CEP170: variants seen among roughly 807,000 people sequenced by gnomAD.
CEP170 encodes centrosomal protein 170, also known as centrosomal protein of 170 kDa.
A neutral mutation model predicts 151.9 loss-of-function variants in CEP170; 21 were observed. That is an observed-to-expected ratio of 0.14 (90% CI 0.10 to 0.20). CEP170 has a LOEUF of 0.20. Ranked by LOEUF, CEP170 falls within the 10% of genes least tolerant of loss-of-function variation. CEP170 has a pLI of 1.00. For missense variants in CEP170, 964 were observed against 1,892.9 expected (o/e 0.51, Z 9.11); for synonymous variants, 356 against 648.8 (o/e 0.55, Z 6.86).
At chr1:243,203,153 C>T (rs1197645500) in intron 4 of CEP170, among the ~76,000 whole-genome samples, 3 of 152,134 alleles carry the variant, frequency 2.0e-5, no homozygotes, top group Non-Finnish European at 2.9e-5. Flanking sequence ...CCAGCTTTTC[C>T]CTCCAAGGCT....
chr1:243,136,371 T>C (rs1024099136), intron 16 of CEP170, 140 bp from the exon 17 acceptor site: 3 of 1,019,844 alleles, frequency 2.9e-6, no homozygotes, highest in Admixed American at 6.1e-5. Flanking sequence ...GTGAAGAATA[T>C]AATTAATATG....
Position 243,233,741 on chromosome 1 carries a change from A to AAT in CEP170, c.-41-8422_-41-8421dup, listed in dbSNP as rs1303987181. Among the ~76,000 whole-genome samples the AAT allele has an allele frequency of 4.4e-3, 620 of 140,392 alleles. 9 individuals carry two copies. The highest frequency in any genetic ancestry group is 0.016 in the African/African-American group (593 of 37,766). The allele number at this position is 140,392 out of a possible 152,430, so 92.1% of individuals were successfully genotyped here. ...GAGCAAGACTCCATCTCAAAAAAAA[A>AAT]ATATATATATATATATATATATATA... is the stretch of plus-strand genomic sequence containing the variant. On this transcript the variant is annotated intron_variant, in intron 1 of 19. Transcript: ENST00000366542.
chr1:243,130,394 G>A (rs1187101257), intron 17 of CEP170, among the ~76,000 whole-genome samples: 1 of 152,018 alleles, frequency 6.6e-6, no homozygotes, highest in Non-Finnish European at 1.5e-5. Flanking sequence ...CTACCCTTTT[G>A]ATAAAAACAA....
chr1:243,255,352 G>C (rs1362712558), upstream of CEP170: 4 of 152,988 alleles, frequency 2.6e-5, no homozygotes, highest in African/African-American at 7.2e-5. Context: ...GCCACACACA[G>C]ACAATGAAAA....
chr1:243,221,684 C>T (rs1339598734), intron 3 of CEP170, 40 bp downstream of exon 3: 4 of 1,535,512 alleles, frequency 2.6e-6, no homozygotes, highest in South Asian at 2.4e-5. Context: ...CAATATTAAA[C>T]AAATGTTCAA....
At chr1:243,155,757 T>C (rs1411722374) in intron 14 of CEP170, among the ~76,000 whole-genome samples, 1 of 152,210 alleles carries the variant, frequency 6.6e-6, no homozygotes, top group African/African-American at 2.4e-5. Flanking sequence ...GAACTGCCCA[T>C]ACTTAATGAG....
At chr1:243,217,353 A>C (rs2062391386) in intron 3 of CEP170, among the ~76,000 whole-genome samples, 1 of 152,208 alleles carries the variant, frequency 6.6e-6, no homozygotes, top group African/African-American at 2.4e-5. Flanking sequence ...ATTCTGAGCC[A>C]ATTTTATTTG....
rs1456475373 is a variant in CEP170, at chr1:243,166,105, T to C, written c.1855A>G (p.Ser619Gly). The C allele has an allele frequency of 5.6e-6, 9 of 1,612,736 alleles. No individual in the cohort carries two copies. The highest frequency in any genetic ancestry group is 7.6e-6 in the Non-Finnish European group (9 of 1,179,396). Residue 619 changes from serine to glycine, a missense_variant, in exon 13 of 20, where the codon AGT becomes GGT. Physicochemically the swap from Ser to Gly is moderately conservative, Grantham distance 56. Coordinates refer to ENST00000366542, the MANE Select transcript of CEP170 (RefSeq NM_014812.3). Reference sequence around the variant, plus strand: ...CTTCTCACTGTCATGCCAGACTCACTGATCTCTGTCTCTATGAAATAAAAA... The same window carrying C: ...CTTCTCACTGTCATGCCAGACTCACCGATCTCTGTCTCTATGAAATAAAAA... Reference protein sequence around the residue: ...PLPLENETEISESGMTVRSTG... With the variant: ...PLPLENETEIGESGMTVRSTG...
intron 16 of CEP170, among the ~76,000 whole-genome samples, chr1:243,139,162 T>C (rs2055516026): frequency 6.6e-6 from 1 of 151,418 alleles, no homozygotes; most frequent in Admixed American, 6.6e-5. Flanking sequence ...AGTGCAGTGG[T>C]GTGGGTTCAG....
chr1:243,230,524 GA>G (rs943920724), intron 1 of CEP170, among the ~76,000 whole-genome samples: 79 of 152,128 alleles, frequency 5.2e-4, no homozygotes, highest in African/African-American at 1.8e-3. Context: ...AACAGTGTAT[GA>G]AAAAAATGAG....
At chr1:243,189,504 C>T (rs1033483056) in intron 8 of CEP170, among the ~76,000 whole-genome samples, 22 of 146,144 alleles carry the variant, frequency 1.5e-4, no homozygotes, top group South Asian at 6.4e-4. Flanking sequence ...TGCAGTGAGC[C>T]GAGATCGCGC....
chr1:243,136,258 T>C (rs1332350571), intron 16 of CEP170, 27 bp from the exon 17 acceptor site: 5 of 1,443,588 alleles, frequency 3.5e-6, no homozygotes, highest in Non-Finnish European at 4.7e-6. Context: ...AAAAAGTAGA[T>C]ATTAAAATAT....
At chr1:243,150,236 C>T (rs1487986663) in intron 14 of CEP170, among the ~76,000 whole-genome samples, 7 of 152,158 alleles carry the variant, frequency 4.6e-5, no homozygotes, top group Non-Finnish European at 8.8e-5. Context: ...CTGCAACCTC[C>T]GCTTCCCAAG....
At chr1:243,175,753 T>G (rs997019125) in intron 10 of CEP170, among the ~76,000 whole-genome samples, 6 of 152,162 alleles carry the variant, frequency 3.9e-5, no homozygotes, top group African/African-American at 1.4e-4. Context: ...CTATCTAGAC[T>G]GTTGCTTACT....
At chr1:243,141,976 C>CTT (rs1330676596) in intron 15 of CEP170, among the ~76,000 whole-genome samples, 3 of 152,126 alleles carry the variant, frequency 2.0e-5, no homozygotes, top group Non-Finnish European at 4.4e-5. Flanking sequence ...CATAGTCAAA[C>CTT]TTTATAGAAA....
At chr1:243,218,750 T>C (rs1312050527) in intron 3 of CEP170, among the ~76,000 whole-genome samples, 1 of 152,244 alleles carries the variant, frequency 6.6e-6, no homozygotes, top group Admixed American at 6.5e-5. Context: ...GAATGCTTAC[T>C]ATGTACTGTT....
chr1:243,213,328 T>C (rs186923016), intron 3 of CEP170, among the ~76,000 whole-genome samples: 5 of 152,282 alleles, frequency 3.3e-5, no homozygotes, highest in African/African-American at 1.2e-4. Context: ...ATAAAAGACA[T>C]CTGGAGATAA....
chr1:243,155,788 A>C (rs1376412289), intron 14 of CEP170, among the ~76,000 whole-genome samples: 7 of 152,170 alleles, frequency 4.6e-5, no homozygotes, highest in South Asian at 2.1e-4. Context: ...ATGAGTGAAA[A>C]TCTGCTTACC....
At chr1:243,175,265 C>T (rs2059149627) in intron 10 of CEP170, 1 of 152,196 alleles carries the variant, frequency 6.6e-6, no homozygotes, top group Non-Finnish European at 1.5e-5. Flanking sequence ...ACTTCGATGA[C>T]GTTCGACAGA....
Sources: allele counts gnomAD v4.1 joint callset (sites outside exome capture counted in the v4.1 genomes callset), GRCh38; gene constraint gnomAD v4.1.1; transcripts MANE v1.5; gene names NCBI Gene and HGNC (gene_info 2026-07-23, HGNC 2026-07-21).